ARL8B: variants seen among roughly 807,000 people sequenced by gnomAD.
ARL8B encodes the protein ADP-ribosylation factor-like protein 8B.
ARL8B carries 9 observed loss-of-function variants against 30.6 expected under a neutral mutation model. That is an observed-to-expected ratio of 0.29 (90% CI 0.18 to 0.51). ARL8B has a LOEUF of 0.51. ARL8B is among the 20% of genes least tolerant of loss of function. The pLI is 0.97. For missense variants in ARL8B, 130 were observed against 227.2 expected (o/e 0.57, Z 2.75); for synonymous variants, 74 against 76.0 (o/e 0.97, Z 0.14).
intron 1 of ARL8B, among the ~76,000 whole-genome samples, chr3:5,145,972 G>A (rs963799346): frequency 6.6e-6 from 1 of 152,084 alleles, no homozygotes. Context: ...TATTATAGTG[G>A]TTTCTGATAC....
chr3:5,146,440 A>T (rs79590317), intron 1 of ARL8B, among the ~76,000 whole-genome samples: 1 of 152,094 alleles, frequency 6.6e-6, no homozygotes. Flanking sequence ...ATCTTTAATT[A>T]ATTCCTCTAT....
chr3:5,168,804 A>G (rs1442250081), intron 1 of ARL8B, among the ~76,000 whole-genome samples: 12 of 152,342 alleles, frequency 7.9e-5, no homozygotes, highest in South Asian at 2.1e-4. Flanking sequence ...AAAGCTTTCC[A>G]TGCAAGCTAG....
intron 1 of ARL8B, among the ~76,000 whole-genome samples, chr3:5,140,731 G>A (rs1305273530): frequency 1.3e-5 from 2 of 152,104 alleles, no homozygotes; most frequent in African/African-American, 2.4e-5. Context: ...GTTGTCATCT[G>A]AAATTCTAGG....
chr3:5,170,695 G>T (rs1334978546), intron 2 of ARL8B, 112 bp downstream of exon 2: 1 of 674,782 alleles, frequency 1.5e-6, no homozygotes, highest in Non-Finnish European at 2.5e-6. Flanking sequence ...AGTAATGAAT[G>T]TGCATGTTTC....
chr3:5,166,504 A>G (rs190724873), intron 1 of ARL8B, among the ~76,000 whole-genome samples: 19 of 151,200 alleles, frequency 1.3e-4, no homozygotes, highest in Non-Finnish European at 2.4e-4. Flanking sequence ...TGCCTGGCTA[A>G]TTTTTTATAT....
intron 1 of ARL8B, among the ~76,000 whole-genome samples, chr3:5,169,179 C>T (rs1012292178): frequency 4.6e-5 from 7 of 152,110 alleles, no homozygotes; most frequent in African/African-American, 1.7e-4. Flanking sequence ...GTAACCATCA[C>T]CACTGTCCAC....
At chr3:5,128,162 C>CA (rs35084667) in intron 1 of ARL8B, among the ~76,000 whole-genome samples, 1,660 of 52,236 alleles carry the variant, frequency 0.032, 37 homozygotes, top group African/African-American at 0.068. Flanking sequence ...AAATCCGTCT[C>CA]AAAAAAAAAA....
chr3:5,176,322 C>G (rs1302700219), intron 6 of ARL8B, among the ~76,000 whole-genome samples: 3 of 152,122 alleles, frequency 2.0e-5, no homozygotes, highest in African/African-American at 4.8e-5. Context: ...CCTCCACTTC[C>G]CGGGTTCAAG....
chr3:5,146,335 G>T (rs1559279548), intron 1 of ARL8B, among the ~76,000 whole-genome samples: 1 of 152,210 alleles, frequency 6.6e-6, no homozygotes, highest in Non-Finnish European at 1.5e-5. Flanking sequence ...TTGATTTATA[G>T]TCCTTAGATT....
rs375098970 is a variant in ARL8B at position 5,135,503 on chromosome 3, G to A, written c.123+12915G>A. On this transcript the variant is annotated intron_variant, in intron 1 of 6. Transcript: ENST00000256496. ...AGATGGATTCTCGCTCTGTCGCCCAGGCTGGAGTGCAGTGGTGCCATCTCG... is the reference window on the plus strand; with the variant it reads ...AGATGGATTCTCGCTCTGTCGCCCAAGCTGGAGTGCAGTGGTGCCATCTCG... Among the ~76,000 whole-genome samples the A allele has an allele frequency of 1.1e-4, 17 of 151,824 alleles. No homozygotes were observed. In the South Asian group the frequency reaches 3.5e-3, roughly 32 times the overall value.
intron 2 of ARL8B, among the ~76,000 whole-genome samples, chr3:5,171,381 ACTC>A (rs2054674149): frequency 6.6e-6 from 1 of 151,592 alleles, no homozygotes; most frequent in Admixed American, 6.6e-5. Flanking sequence ...ATGGAGTTTC[ACTC>A]TTGTTGCCCA....
chr3:5,148,583 G>A (rs1057167297), intron 1 of ARL8B, among the ~76,000 whole-genome samples: 8 of 151,980 alleles, frequency 5.3e-5, no homozygotes, highest in Non-Finnish European at 8.8e-5. Context: ...TTTTTATTAG[G>A]TTCTTTTTCT....
At chr3:5,163,452 A>G (rs1156350496) in intron 1 of ARL8B, among the ~76,000 whole-genome samples, 1 of 150,854 alleles carries the variant, frequency 6.6e-6, no homozygotes, top group East Asian at 2.0e-4. Context: ...CAAATTATTG[A>G]TCTTTGCAAA....
intron 1 of ARL8B, among the ~76,000 whole-genome samples, chr3:5,141,589 C>G (rs938839115): frequency 6.6e-6 from 1 of 152,204 alleles, no homozygotes; most frequent in African/African-American, 2.4e-5. Flanking sequence ...TCCAAACCAA[C>G]CATTTAGCCA....
At chr3:5,124,030 C>G (rs913899530) in intron 1 of ARL8B, among the ~76,000 whole-genome samples, 30 of 152,098 alleles carry the variant, frequency 2.0e-4, no homozygotes, top group Non-Finnish European at 2.9e-5. Flanking sequence ...TCCTCCACCA[C>G]GCCCGGCTAA....
intron 1 of ARL8B, among the ~76,000 whole-genome samples, chr3:5,156,303 A>AT (rs544726973): frequency 2.7e-3 from 403 of 146,564 alleles, no homozygotes; most frequent in Middle Eastern, 0.014. Context: ...ATGCTTTGTG[A>AT]TTTTTTTTTG....
At chr3:5,168,738 A>T (rs2054644812) in intron 1 of ARL8B, among the ~76,000 whole-genome samples, 1 of 152,210 alleles carries the variant, frequency 6.6e-6, no homozygotes, top group South Asian at 2.1e-4. Flanking sequence ...GAACACATTA[A>T]ATCATGTTCT....
In ARL8B at chr3:5,180,361, T is replaced by C. The variant is rs758516797; in HGVS notation, c.*1648T>C. On this transcript the variant is annotated 3_prime_UTR_variant, in exon 7 of 7. Coordinates refer to ENST00000256496, the MANE Select transcript of ARL8B (RefSeq NM_018184.3). ...ACTACCCTGGTGGGATGGATGGTTC[T>C]GTAAATGAAGGGATATTTAAACTTG... The C allele has an allele frequency of 1.8e-4, 27 of 152,438 alleles. No homozygotes were observed. The highest frequency in any genetic ancestry group is 3.4e-3 in the Middle Eastern group (1 of 294). The allele number at this position is 152,438 out of a possible 1,614,324, so 9.4% of individuals were successfully genotyped here.
At chr3:5,124,760 G>A (rs1325843523) in intron 1 of ARL8B, among the ~76,000 whole-genome samples, 5 of 152,158 alleles carry the variant, frequency 3.3e-5, no homozygotes, top group East Asian at 3.8e-4. Flanking sequence ...TTATAAGCCT[G>A]CTAGAGCTTT....
Sources: gnomAD v4.1 joint callset for allele counts (sites outside exome capture counted in the v4.1 genomes callset) on GRCh38, gnomAD v4.1.1 for gene constraint, MANE v1.5 for transcripts, NCBI Gene and HGNC (gene_info 2026-07-23, HGNC 2026-07-21) for gene names.